Variants in GFOD1 observed in about 807,000 individuals in gnomAD.
GFOD1 encodes Gfo/Idh/MocA-like oxidoreductase domain containing 1.
GFOD1 carries 9 observed loss-of-function variants against 25.4 expected under a neutral mutation model. The observed-to-expected ratio is 0.35, with a 90% confidence interval of 0.21 to 0.62. The LOEUF is 0.62. Among genes scored for constraint, GFOD1 ranks in the 20% least tolerant of loss-of-function variants. GFOD1 has a pLI of 0.72. For missense variants in GFOD1, 403 were observed against 556.9 expected (o/e 0.72, Z 2.78); for synonymous variants, 253 against 245.6 (o/e 1.03, Z -0.28).
intron 1 of GFOD1, among the ~76,000 whole-genome samples, chr6:13,429,442 C>T (rs189131923): frequency 6.6e-6 from 1 of 152,312 alleles, no homozygotes. Flanking sequence ...GCAAAGACCT[C>T]AGGGAATTTC....
At chr6:13,419,843 C>G (rs1436301045) in intron 1 of GFOD1, among the ~76,000 whole-genome samples, 2 of 152,212 alleles carry the variant, frequency 1.3e-5, no homozygotes, top group Non-Finnish European at 2.9e-5. Flanking sequence ...CAAATCTCTA[C>G]TTAAACGTCC....
chr6:13,481,158 T>A (rs1352581532), intron 1 of GFOD1, among the ~76,000 whole-genome samples: 1 of 151,580 alleles, frequency 6.6e-6, no homozygotes, highest in African/African-American at 2.4e-5. Context: ...CCAGGAAGAG[T>A]GTTACCAGGA....
chr6:13,434,482 T>G (rs1320213306), intron 1 of GFOD1, among the ~76,000 whole-genome samples: 2 of 151,614 alleles, frequency 1.3e-5, no homozygotes, highest in Non-Finnish European at 2.9e-5. Flanking sequence ...CAGGGCTTTA[T>G]GGGAACACAG....
At chr6:13,419,672 C>T (rs1786220760) in intron 1 of GFOD1, among the ~76,000 whole-genome samples, 1 of 152,180 alleles carries the variant, frequency 6.6e-6, no homozygotes, top group African/African-American at 2.4e-5. Flanking sequence ...GCCCGTGCCG[C>T]CGCTCCTCTG....
chr6:13,480,061 C>T (rs1183426938), intron 1 of GFOD1, among the ~76,000 whole-genome samples: 1 of 152,172 alleles, frequency 6.6e-6, no homozygotes, highest in Non-Finnish European at 1.5e-5. Flanking sequence ...CCTCCTTGCT[C>T]CCTCACCTCT....
chr6:13,390,439 A>C (rs1413424172), intron 1 of GFOD1, among the ~76,000 whole-genome samples: 1 of 151,032 alleles, frequency 6.6e-6, no homozygotes, highest in Non-Finnish European at 1.5e-5. Flanking sequence ...AAAAATACAA[A>C]AAATAGCCGG....
chr6:13,466,541 G>A (rs1758382030), intron 1 of GFOD1, among the ~76,000 whole-genome samples: 1 of 152,152 alleles, frequency 6.6e-6, no homozygotes, highest in African/African-American at 2.4e-5. Context: ...GTGTGACAGG[G>A]TGACATTCTC....
chr6:13,414,077 A>G (rs1271567846), intron 1 of GFOD1, among the ~76,000 whole-genome samples: 3 of 152,206 alleles, frequency 2.0e-5, no homozygotes, highest in Non-Finnish European at 4.4e-5. Context: ...ACCAATCAAA[A>G]GCAGGTTTTT....
intron 1 of GFOD1, among the ~76,000 whole-genome samples, chr6:13,415,328 G>C (rs1456928176): frequency 6.6e-6 from 1 of 152,146 alleles, no homozygotes. Context: ...CTTCCAGTTG[G>C]CCTGCCCTTC....
chr6:13,443,187 G>A (rs1160961896), intron 1 of GFOD1, among the ~76,000 whole-genome samples: 1 of 152,172 alleles, frequency 6.6e-6, no homozygotes, highest in East Asian at 1.9e-4. Flanking sequence ...TAGAAGTGGA[G>A]CCTGAAGATG....
intron 1 of GFOD1, among the ~76,000 whole-genome samples, chr6:13,446,621 CCT>C (rs937685697): frequency 5.1e-4 from 78 of 152,302 alleles, no homozygotes; most frequent in African/African-American, 1.7e-3. Context: ...CAAACACACC[CCT>C]GACACTGGCA....
At chr6:13,426,381 A>G (rs1239750298) in intron 1 of GFOD1, among the ~76,000 whole-genome samples, 1 of 151,942 alleles carries the variant, frequency 6.6e-6, no homozygotes, top group African/African-American at 2.4e-5. Flanking sequence ...GATTCATCAG[A>G]CTCCAGCTCT....
rs1459185684 is a variant in GFOD1 at position 13,399,090 on chromosome 6, C to A, written c.254-33428G>T. On this transcript the variant is annotated intron_variant, in intron 1 of 1. Coordinates refer to ENST00000379287, the MANE Select transcript of GFOD1 (RefSeq NM_018988.4). ...AGTGCAGTGGCGCAATCAAAGCTCA[C>A]TTCAGCCTTAACCTCGCGGACTCAG... is the stretch of plus-strand genomic sequence containing the variant. 2.0e-5 allele frequency among the ~76,000 whole-genome samples: 3 copies of A among 152,180 alleles called. No homozygotes were observed. The East Asian group carries it at 5.8e-4, about 29-fold the overall frequency.
Position 13,365,708 on chromosome 6 carries a change from C to G in GFOD1, c.254-46G>C, listed in dbSNP as rs115061528. The G allele has an allele frequency of 7.6e-7, 1 of 1,311,206 alleles. No individual in the cohort carries two copies. The highest frequency in any genetic ancestry group is 1.5e-5 in the African/African-American group (1 of 68,810). The allele number at this position is 1,311,206 out of a possible 1,614,324, so 81.2% of individuals were successfully genotyped here. ...GCGGTCAGCGGGGCAGGACCATGTCCGAGCGCGCGTCCCTGGGTCAGATCT... is the reference window on the plus strand; with the variant it reads ...GCGGTCAGCGGGGCAGGACCATGTCGGAGCGCGCGTCCCTGGGTCAGATCT... On this transcript the variant is annotated intron_variant, in intron 1 of 1. Coordinates refer to ENST00000379287, the MANE Select transcript of GFOD1 (RefSeq NM_018988.4). This position sits in a 1 kb window ranked among gnomAD's most constrained non-coding sequence, Gnocchi z 9.2.
At chr6:13,434,447 C>T (rs867788474) in intron 1 of GFOD1, among the ~76,000 whole-genome samples, 2 of 125,622 alleles carry the variant, frequency 1.6e-5, no homozygotes, top group Admixed American at 8.2e-5. Flanking sequence ...AGTGCAGGGC[C>T]TTATGGGAAC....
rs73364961 is a variant in GFOD1 at position 13,367,868 on chromosome 6, G to C, written c.254-2206C>G. Among the ~76,000 whole-genome samples the C allele has an allele frequency of 2.0e-3, 307 of 152,194 alleles. 1 individual carries two copies. Among genetic ancestry groups the C allele is most frequent in the African/African-American group, 7.1e-3 (294 of 41,516 alleles). On this transcript the variant is annotated intron_variant, in intron 1 of 1. Transcript: ENST00000379287. ...CACCTGTCCTGGGGCAGGTCTCTGTGGTCTAGGCATGCTCACCCATAGACC... is the reference window on the plus strand; with the variant it reads ...CACCTGTCCTGGGGCAGGTCTCTGTCGTCTAGGCATGCTCACCCATAGACC...
At chr6:13,417,388 C>G (rs1057428810) in intron 1 of GFOD1, among the ~76,000 whole-genome samples, 1 of 152,198 alleles carries the variant, frequency 6.6e-6, no homozygotes, top group African/African-American at 2.4e-5. Context: ...CTCCTGACCT[C>G]GTGATCTGCC....
chr6:13,486,792 G>T lies in GFOD1; in HGVS notation c.99C>A (p.Gly33=), dbSNP rs770434070. The T allele has an allele frequency of 1.9e-6, 3 of 1,613,826 alleles. No individual in the cohort carries two copies. Among genetic ancestry groups the T allele is most frequent in the East Asian group, 4.5e-5 (2 of 44,854 alleles). The change falls in exon 1 of 2, where the codon GGC becomes GGA. Residue 33 remains glycine (G), a synonymous_variant. Coordinates refer to ENST00000379287, the MANE Select transcript of GFOD1 (RefSeq NM_018988.4). ...DEGFAVKALW[G]RTQEEAEELA... ...GCTCCTCCGCTTCTTCCTGCGTGCG[G>T]CCCCACAGCGCCTTCACCGCGAAGC...
At chr6:13,401,614 T>G (rs7742086) in intron 1 of GFOD1, among the ~76,000 whole-genome samples, 39,217 of 152,040 alleles carry the variant, frequency 0.26, 5,288 homozygotes, top group East Asian at 0.38. Context: ...TAGAAATACA[T>G]TTAAGAAGTA....
Sources: allele counts gnomAD v4.1 joint callset (sites outside exome capture counted in the v4.1 genomes callset), GRCh38; gene constraint gnomAD v4.1.1; non-coding constraint Gnocchi (gnomAD v3.1); transcripts MANE v1.5; gene names NCBI Gene and HGNC (gene_info 2026-07-23, HGNC 2026-07-21).